ZPBP: variants seen among roughly 807,000 people sequenced by gnomAD.
The protein encoded by ZPBP is zona pellucida binding protein.
A neutral mutation model predicts 44.8 loss-of-function variants in ZPBP; 26 were observed. That is an observed-to-expected ratio of 0.58 (90% CI 0.43 to 0.81). The LOEUF is 0.81. Among genes scored for constraint, ZPBP ranks in the 30% least tolerant of loss-of-function variants. The pLI is 0.00. For missense variants in ZPBP, 409 were observed against 434.0 expected, an observed-to-expected ratio of 0.94 and a Z score of 0.51; for synonymous variants, 174 against 153.2, an observed-to-expected ratio of 1.14 and a Z score of -1.00.
intron 7 of ZPBP, among the ~76,000 whole-genome samples, chr7:49,965,388 T>C (rs147257895): frequency 2.0e-5 from 3 of 151,994 alleles, no homozygotes; most frequent in African/African-American, 7.2e-5. Flanking sequence ...ATAAAAAAAC[T>C]ATCAACTCTT....
intron 7 of ZPBP, among the ~76,000 whole-genome samples, chr7:49,960,680 G>A (rs892167406): frequency 6.6e-6 from 1 of 152,078 alleles, no homozygotes; most frequent in Non-Finnish European, 1.5e-5. Flanking sequence ...ACTTAAAAAT[G>A]GGAAAGATAG....
intron 1 of ZPBP, among the ~76,000 whole-genome samples, chr7:50,091,058 T>C (rs1484481523): frequency 6.6e-6 from 1 of 152,194 alleles, no homozygotes; most frequent in African/African-American, 2.4e-5. Flanking sequence ...ATTTCTCTGA[T>C]AACTAGTGAT....
intron 6 of ZPBP, among the ~76,000 whole-genome samples, chr7:49,999,787 G>A (rs74196509): frequency 1.1e-4 from 16 of 152,164 alleles, no homozygotes; most frequent in East Asian, 3.9e-4. Context: ...TTACTCAGTC[G>A]AACAATTCAA....
intron 7 of ZPBP, among the ~76,000 whole-genome samples, chr7:49,961,821 T>G (rs1288794677): frequency 6.6e-6 from 1 of 152,110 alleles, no homozygotes; most frequent in Non-Finnish European, 1.5e-5. Flanking sequence ...AGGTGTCACC[T>G]GTGTCTTGTT....
chr7:49,949,275 G>A (rs1795228496), intron 7 of ZPBP, among the ~76,000 whole-genome samples: 1 of 152,074 alleles, frequency 6.6e-6, no homozygotes, highest in South Asian at 2.1e-4. Flanking sequence ...TATTATGGCA[G>A]CCTAATATAG....
chr7:49,859,773 T>TTGATGTG (rs1485638064), intron 2 of ZPBP, among the ~76,000 whole-genome samples: 2 of 146,958 alleles, frequency 1.4e-5, no homozygotes, highest in Non-Finnish European at 3.0e-5. Flanking sequence ...TTGATGTGTC[T>TTGATGTG]TACAGTGCGC....
At chr7:49,922,188 A>G (rs962445873) in intron 1 of ZPBP, among the ~76,000 whole-genome samples, 1 of 152,178 alleles carries the variant, frequency 6.6e-6, no homozygotes, top group African/African-American at 2.4e-5. Flanking sequence ...CATCTATAAT[A>G]TAATATCCCA....
At chr7:49,897,189 C>CCGG in intron 2 of ZPBP, among the ~76,000 whole-genome samples, 1 of 152,142 alleles carries the variant, frequency 6.6e-6, no homozygotes, top group African/African-American at 2.4e-5. Flanking sequence ...GCCACCGCGC[C>CCGG]CGGCCGGATT....
At chr7:49,870,920 G>A (rs190842359) in intron 2 of ZPBP, among the ~76,000 whole-genome samples, 23 of 152,268 alleles carry the variant, frequency 1.5e-4, no homozygotes, top group African/African-American at 4.1e-4. Context: ...AAATGACTAC[G>A]GAACTGCTCC....
chr7:49,951,548 T>C (rs1795345452), intron 7 of ZPBP, among the ~76,000 whole-genome samples: 1 of 151,560 alleles, frequency 6.6e-6, no homozygotes, highest in Non-Finnish European at 1.5e-5. Context: ...ACTTTTTTTT[T>C]TTTTTTTTAA....
At chr7:49,989,390 G>A (rs1057323614) in intron 6 of ZPBP, among the ~76,000 whole-genome samples, 8 of 152,174 alleles carry the variant, frequency 5.3e-5, no homozygotes, top group Non-Finnish European at 7.4e-5. Flanking sequence ...ACCCATGGCT[G>A]GGCTTGGCTT....
At position 49,995,016 on chromosome 7, in the gene ZPBP, A is replaced by G. The variant is rs117520945; in HGVS notation, c.784-11497T>C. Reference sequence around the variant, plus strand: ...GATGCAACAACATACCCTTCACCCTATAAGTGTTATCTCAAGAGGCCTCAT... The same window carrying G: ...GATGCAACAACATACCCTTCACCCTGTAAGTGTTATCTCAAGAGGCCTCAT... On this transcript the variant is annotated intron_variant, in intron 6 of 7. Transcript: ENST00000046087. 7.7e-3 allele frequency among the ~76,000 whole-genome samples: 1,169 copies of G among 152,288 alleles called. 2 individuals carry two copies. Among genetic ancestry groups the G allele is most frequent in the Non-Finnish European group, 0.013 (905 of 67,998 alleles).
chr7:50,082,462 T>C (rs1802416910), intron 2 of ZPBP, among the ~76,000 whole-genome samples: 1 of 151,842 alleles, frequency 6.6e-6, no homozygotes, highest in Non-Finnish European at 1.5e-5. Context: ...TAAGCAAAAA[T>C]AGTATCCTTT....
intron 7 of ZPBP, among the ~76,000 whole-genome samples, chr7:49,977,230 CT>C: frequency 6.6e-6 from 1 of 152,088 alleles, no homozygotes; most frequent in Non-Finnish European, 1.5e-5. Flanking sequence ...TATTTAGTTT[CT>C]TCAGAAATAT....
intron 2 of ZPBP, among the ~76,000 whole-genome samples, chr7:49,858,212 C>T (rs1424962374): frequency 6.6e-6 from 1 of 152,026 alleles, no homozygotes; most frequent in Non-Finnish European, 1.5e-5. Context: ...TGGGTATATA[C>T]CCAAAGGATT....
chr7:50,010,524 G>C (rs551566222), intron 6 of ZPBP, among the ~76,000 whole-genome samples: 1 of 152,090 alleles, frequency 6.6e-6, no homozygotes, highest in Admixed American at 6.6e-5. Flanking sequence ...AAAATCCAAT[G>C]TACACAAATC....
intron 5 of ZPBP, among the ~76,000 whole-genome samples, chr7:50,029,033 T>G (rs185106090): frequency 6.6e-6 from 1 of 152,208 alleles, no homozygotes; most frequent in East Asian, 1.9e-4. Context: ...ACCAAAACAA[T>G]GTTGAAAAGG....
At chr7:50,059,658 CAAT>C (rs1457468819) in intron 3 of ZPBP, among the ~76,000 whole-genome samples, 4 of 152,090 alleles carry the variant, frequency 2.6e-5, no homozygotes, top group Non-Finnish European at 5.9e-5. Flanking sequence ...ATTACATCAT[CAAT>C]GAGATTACAT....
chr7:50,072,753 C>T (rs1801909720), intron 3 of ZPBP, among the ~76,000 whole-genome samples: 1 of 152,244 alleles, frequency 6.6e-6, no homozygotes, highest in South Asian at 2.1e-4. Flanking sequence ...CTCTGTGAAT[C>T]TGCAAGAACC....
Sources: gnomAD v4.1 joint callset for allele counts (sites outside exome capture counted in the v4.1 genomes callset) on GRCh38, gnomAD v4.1.1 for gene constraint, MANE v1.5 for transcripts, NCBI Gene and HGNC (gene_info 2026-07-23, HGNC 2026-07-21) for gene names.